NPAT: variants seen among roughly 807,000 people sequenced by gnomAD.
NPAT encodes protein NPAT.
A neutral mutation model predicts 130.7 loss-of-function variants in NPAT; 52 were observed. The observed-to-expected ratio is 0.40, with a 90% confidence interval of 0.32 to 0.50. NPAT has a LOEUF of 0.50. Among genes scored for constraint, NPAT ranks in the 20% least tolerant of loss-of-function variants. The pLI is 0.68. For synonymous variants in NPAT, 580 were observed against 584.8 expected, an observed-to-expected ratio of 0.99 and a Z score of 0.12; for missense variants, 1,687 against 1,662.6, an observed-to-expected ratio of 1.01 and a Z score of -0.26.
chr11:108,186,180 C>G (rs923613600), intron 8 of NPAT, among the ~76,000 whole-genome samples: 2 of 152,060 alleles, frequency 1.3e-5, no homozygotes, highest in African/African-American at 4.8e-5. Flanking sequence ...CCACACCTAG[C>G]TAATATTTGT....
chr11:108,217,827 T>C (rs1283517831), intron 1 of NPAT, among the ~76,000 whole-genome samples: 1 of 152,118 alleles, frequency 6.6e-6, no homozygotes, highest in Non-Finnish European at 1.5e-5. Flanking sequence ...ACCCAGTCTC[T>C]ACTAAAAATA....
chr11:108,218,652 A>C (rs532955233), intron 1 of NPAT, among the ~76,000 whole-genome samples: 3 of 152,336 alleles, frequency 2.0e-5, no homozygotes, highest in African/African-American at 7.2e-5. Context: ...GACTCACTTC[A>C]TGGGAAGGGA....
chr11:108,189,229 C>G lies in NPAT; in HGVS notation c.433G>C (p.Gly145Arg), dbSNP rs749413677. 8 of 1,614,138 alleles carry G rather than the reference C, an allele frequency of 5.0e-6. No homozygotes were observed. The South Asian group carries it at 8.8e-5, about 18-fold the overall frequency. The change falls in exon 6 of 18, where the codon GGA becomes CGA. Residue 145 changes from glycine to arginine, a missense_variant. Coordinates refer to ENST00000278612, the MANE Select transcript of NPAT (RefSeq NM_002519.3). The part of the protein sequence containing the change: ...AELLTLPYLS[G>R]QFTTPPSTGT... Reference sequence around the variant, plus strand: ...GTGGAAGGAGGAGTGGTAAACTGTCCTGAAAGGTAAGGTAAAGTGAGCAAC... The same window carrying G: ...GTGGAAGGAGGAGTGGTAAACTGTCGTGAAAGGTAAGGTAAAGTGAGCAAC...
Position 108,192,208 on chromosome 11 carries a change from A to T in NPAT, c.218-18T>A, listed in dbSNP as rs1565320435. On this transcript the variant is annotated intron_variant, in intron 3 of 17. Coordinates refer to ENST00000278612, the MANE Select transcript of NPAT (RefSeq NM_002519.3). ...TGATGTTTCTAAATCATAGGAGAAAAGGTTCTTAATAAACCCAGCTGAAGA... is the reference window on the plus strand; with the variant it reads ...TGATGTTTCTAAATCATAGGAGAAATGGTTCTTAATAAACCCAGCTGAAGA... The T allele has an allele frequency of 6.5e-7, 1 of 1,528,850 alleles. No homozygotes were observed. Among genetic ancestry groups the T allele is most frequent in the Non-Finnish European group, 9.1e-7 (1 of 1,102,712 alleles). The allele number at this position is 1,528,850 out of a possible 1,614,324, so 94.7% of individuals were successfully genotyped here.
chr11:108,160,783 C>T (rs894394579), intron 17 of NPAT, 97 bp downstream of exon 17: 30 of 1,067,628 alleles, frequency 2.8e-5, no homozygotes, highest in Middle Eastern at 2.9e-4. Context: ...TTAGCCATAA[C>T]GTTCAGTCAA....
intron 11 of NPAT, 67 bp downstream of exon 11, chr11:108,176,927 C>T: frequency 2.0e-6 from 2 of 995,940 alleles, no homozygotes; most frequent in South Asian, 2.6e-5. Context: ...TTGATTCACT[C>T]TGGTTAAGTT....
In NPAT at chr11:108,157,468, T is replaced by G. The variant is rs1019623651; in HGVS notation, c.*1474A>C. The G allele has an allele frequency of 2.6e-5, 4 of 152,152 alleles. No homozygotes were observed. Among genetic ancestry groups the G allele is most frequent in the Admixed American group, 1.3e-4 (2 of 15,276 alleles). 9.4% of individuals were successfully genotyped at this position (152,152 alleles called of 1,614,324 possible). A position where few individuals can be genotyped will look rare whatever the true frequency, so the allele number is the denominator to read the frequency against. ...CTGAGTTAAATAAACATTAACTATATGATATTTAGTTCCTTAGGAATAGAC... is the reference window on the plus strand; with the variant it reads ...CTGAGTTAAATAAACATTAACTATAGGATATTTAGTTCCTTAGGAATAGAC... On this transcript the variant is annotated 3_prime_UTR_variant, in exon 18 of 18. Coordinates refer to ENST00000278612, the MANE Select transcript of NPAT (RefSeq NM_002519.3).
intron 1 of NPAT, among the ~76,000 whole-genome samples, chr11:108,221,823 CACAA>C (rs1489888770): frequency 1.3e-5 from 2 of 152,186 alleles, no homozygotes; most frequent in Non-Finnish European, 2.9e-5. Flanking sequence ...ACAAGTGACC[CACAA>C]ACAATCCCTC....
At chr11:108,204,989 T>C (rs562981485) in intron 1 of NPAT, among the ~76,000 whole-genome samples, 2 of 152,304 alleles carry the variant, frequency 1.3e-5, no homozygotes, top group South Asian at 4.1e-4. Flanking sequence ...AAACTTAATC[T>C]ACACATGAAG....
rs898063736 is a variant in NPAT, at chr11:108,157,571, C to T, written c.*1371G>A. The T allele has an allele frequency of 2.0e-5, 3 of 152,016 alleles. No homozygotes were observed. The highest frequency in any genetic ancestry group is 7.2e-5 in the African/African-American group (3 of 41,424). The allele number at this position is 152,016 out of a possible 1,614,324, so 9.4% of individuals were successfully genotyped here. A position where few individuals can be genotyped will look rare whatever the true frequency, so the allele number is the denominator to read the frequency against. On this transcript the variant is annotated 3_prime_UTR_variant, in exon 18 of 18. Transcript: ENST00000278612. ...AGCAATTAAGAAGACATGATTTCTA[C>T]ACTGAGAAATGTTGTGTTAAAGTTG...
chr11:108,163,938 A>G (rs928924252), intron 15 of NPAT, among the ~76,000 whole-genome samples: 1 of 152,240 alleles, frequency 6.6e-6, no homozygotes, highest in African/African-American at 2.4e-5. Flanking sequence ...ACCTATGTTT[A>G]TAGCCAGGGA....
rs56882203 is a variant in NPAT at position 108,157,447 on chromosome 11, G to A, written c.*1495C>T. On this transcript the variant is annotated 3_prime_UTR_variant, in exon 18 of 18. Coordinates refer to ENST00000278612, the MANE Select transcript of NPAT (RefSeq NM_002519.3). The stretch of plus-strand genomic sequence containing the variant: ...TAACTGTAGTACAGTCTCAAGCTGA[G>A]TTAAATAAACATTAACTATATGATA... 1 of 152,110 alleles carries A rather than the reference G, an allele frequency of 6.6e-6. No homozygotes were observed. Among genetic ancestry groups the A allele is most frequent in the African/African-American group, 2.4e-5 (1 of 41,438 alleles). The allele number at this position is 152,110 out of a possible 1,614,324, so 9.4% of individuals were successfully genotyped here.
intron 10 of NPAT, among the ~76,000 whole-genome samples, chr11:108,179,274 A>G (rs1433138620): frequency 1.3e-5 from 2 of 152,138 alleles, no homozygotes; most frequent in African/African-American, 4.8e-5. Context: ...TAAATTTCAT[A>G]TTATACTTTT....
At chr11:108,220,699 AAAGT>A (rs1313058265) in intron 1 of NPAT, among the ~76,000 whole-genome samples, 3 of 152,374 alleles carry the variant, frequency 2.0e-5, no homozygotes, top group East Asian at 1.9e-4. Flanking sequence ...ATAAACGACA[AAAGT>A]AAGAGCATTA....
rs772190606 is a variant in NPAT at position 108,173,812 on chromosome 11, T to C, written c.1172A>G (p.Gln391Arg). The C allele has an allele frequency of 4.3e-6, 7 of 1,614,182 alleles. No homozygotes were observed. Among genetic ancestry groups the C allele is most frequent in the Non-Finnish European group, 5.9e-6 (7 of 1,180,032 alleles). Residue 391 changes from glutamine to arginine, a missense_variant, in exon 13 of 18, where the codon CAG becomes CGG. By Grantham distance (43) the Gln-to-Arg change is conservative. Around this residue, in one of 3 missense-constraint regions of NPAT, gnomAD observed 1,379 missense variants for 1,346.6 expected, o/e 1.02. Coordinates refer to ENST00000278612, the MANE Select transcript of NPAT (RefSeq NM_002519.3). ...SGQPAFCTSY[Q>R]NDDPLNALKN... The stretch of plus-strand genomic sequence containing the variant: ...CAAAGCATTTAATGGGTCATCATTC[T>C]GATAGGATGTACAAAAAGCGGGCTG...
chr11:108,210,418 CCT>C (rs753499852), intron 1 of NPAT, among the ~76,000 whole-genome samples: 106 of 152,076 alleles, frequency 7.0e-4, no homozygotes, highest in Non-Finnish European at 1.3e-3. Flanking sequence ...GTGTGTGACA[CCT>C]CTTTCTCTCT....
intron 1 of NPAT, among the ~76,000 whole-genome samples, chr11:108,210,316 G>A (rs2078372595): frequency 6.6e-6 from 1 of 152,160 alleles, no homozygotes. Flanking sequence ...GGTGGGGCCT[G>A]GTGGGAGGTG....
intron 13 of NPAT, among the ~76,000 whole-genome samples, chr11:108,170,443 C>T (rs1327064048): frequency 1.3e-5 from 2 of 152,152 alleles, no homozygotes; most frequent in African/African-American, 2.4e-5. Context: ...CAGAAAATTA[C>T]AACCCCAACT....
In NPAT at chr11:108,174,708, G is replaced by A. The variant is rs532692604; in HGVS notation, c.1133-857C>T. 2.7e-5 allele frequency among the ~76,000 whole-genome samples: 4 copies of A among 149,882 alleles called. No homozygotes were observed. The East Asian group carries it at 6.0e-4, about 22-fold the overall frequency. On this transcript the variant is annotated intron_variant, in intron 12 of 17. Transcript: ENST00000278612. Reference sequence around the variant, plus strand: ...CAGCTCACTGCAGCCTCTGCCTCCCGGGTTCATGTGATTCTCCTGCCTCAG... The same window carrying A: ...CAGCTCACTGCAGCCTCTGCCTCCCAGGTTCATGTGATTCTCCTGCCTCAG...
Sources: allele counts gnomAD v4.1 joint callset (sites outside exome capture counted in the v4.1 genomes callset), GRCh38; gene constraint gnomAD v4.1.1; regional missense constraint gnomAD v4.1.1; transcripts MANE v1.5; gene names NCBI Gene and HGNC (gene_info 2026-07-23, HGNC 2026-07-21).